Variants in PSMA3 observed in about 807,000 individuals in gnomAD.
PSMA3 encodes proteasome subunit alpha type-3.
In PSMA3, 8 loss-of-function variants were observed where a neutral mutation model predicts 40.0. The ratio of observed to expected loss-of-function variants is 0.20; its 90% CI spans 0.12 to 0.36. The LOEUF is 0.36. PSMA3 is among the 10% of genes least tolerant of loss of function. PSMA3 has a pLI of 1.00. For missense variants in PSMA3, 219 were observed against 310.6 expected (o/e 0.70, Z 2.22); for synonymous variants, 110 against 100.0 (o/e 1.10, Z -0.59).
intron 5 of PSMA3, chr14:58,258,273 A>G: frequency 3.2e-6 from 1 of 313,454 alleles, no homozygotes. Context: ...ACCTATCTCT[A>G]CAAAAAAAAT....
At chr14:58,256,645 C>T (rs1309214124) in intron 3 of PSMA3, among the ~76,000 whole-genome samples, 1 of 151,244 alleles carries the variant, frequency 6.6e-6, no homozygotes, top group Non-Finnish European at 1.5e-5. Context: ...AACTCGTGAC[C>T]TTGTGATCCA....
At chr14:58,262,498 GCCCTGCCTT>G (rs1266768512) in intron 6 of PSMA3, among the ~76,000 whole-genome samples, 1 of 151,718 alleles carries the variant, frequency 6.6e-6, no homozygotes, top group Non-Finnish European at 1.5e-5. Flanking sequence ...GAGCCACCTT[GCCCTGCCTT>G]CCCTTTTAAA....
rs1342086412 is a variant in PSMA3, at chr14:58,257,734, T to G, written c.229-11T>G. ...ATGTGTTCCTCTAGTAAATTGGTGC[T>G]TTTTTTTCAGGCAGTAGCAGGTTTG... is the stretch of plus-strand genomic sequence containing the variant. On this transcript the variant is annotated splice_polypyrimidine_tract_variant and intron_variant, in intron 3 of 10. Coordinates refer to ENST00000216455, the MANE Select transcript of PSMA3 (RefSeq NM_002788.4). 3 of 1,597,322 alleles carry G rather than the reference T, an allele frequency of 1.9e-6. No homozygotes were observed. The highest frequency in any genetic ancestry group is 2.2e-5 in the East Asian group (1 of 44,544).
chr14:58,271,548 A>G (rs898819108), intron 10 of PSMA3, among the ~76,000 whole-genome samples: 5 of 152,180 alleles, frequency 3.3e-5, no homozygotes, highest in African/African-American at 4.8e-5. Flanking sequence ...TCACCAGGCT[A>G]GTTTCAAACT....
At position 58,263,722 on chromosome 14, in the gene PSMA3, C is replaced by T. The variant is rs1594830948; in HGVS notation, c.495C>T (p.Ala165=). 1 of 1,613,518 alleles carries T rather than the reference C, an allele frequency of 6.2e-7. No individual in the cohort carries two copies. The highest frequency in any genetic ancestry group is 2.2e-5 in the East Asian group (1 of 44,866). Residue 165 remains alanine, a synonymous_variant, in exon 7 of 11, where the codon GCC becomes GCT. Coordinates refer to ENST00000216455, the MANE Select transcript of PSMA3 (RefSeq NM_002788.4). ...SGVSYGYWGC[A]IGKARQAAKT... is the part of the protein sequence containing the mutation. ...CTAAATAGGGTTATTGGGGCTGTGC[C>T]ATCGGCAAAGCCAGGCAAGCTGCAA...
At chr14:58,268,596 A>C (rs1049293023) in intron 8 of PSMA3, 1 of 152,224 alleles carries the variant, frequency 6.6e-6, no homozygotes, top group Non-Finnish European at 1.5e-5. Flanking sequence ...CAGAGCTGCT[A>C]AGAAAGGAAG....
intron 7 of PSMA3, among the ~76,000 whole-genome samples, chr14:58,264,329 C>T (rs77859822): frequency 6.6e-6 from 1 of 152,272 alleles, no homozygotes; most frequent in African/African-American, 2.4e-5. Context: ...GTTCTCTTAG[C>T]TTTGCTCCTA....
chr14:58,271,433 G>A (rs1219575699), intron 10 of PSMA3, among the ~76,000 whole-genome samples: 3 of 148,836 alleles, frequency 2.0e-5, no homozygotes, highest in South Asian at 2.1e-4. Flanking sequence ...GGGTTCAAGC[G>A]ATCCTCCTGC....
chr14:58,270,693 AAATT>A (rs1240040181), intron 9 of PSMA3, among the ~76,000 whole-genome samples: 3 of 152,250 alleles, frequency 2.0e-5, no homozygotes, highest in African/African-American at 4.8e-5. Flanking sequence ...ACTATGCTAT[AAATT>A]AATGCTCAGG....
intron 8 of PSMA3, among the ~76,000 whole-genome samples, chr14:58,268,295 T>G (rs1555353190): frequency 6.6e-6 from 1 of 152,190 alleles, no homozygotes; most frequent in Non-Finnish European, 1.5e-5. Context: ...GTATTCCACA[T>G]TAGAACTACA....
intron 6 of PSMA3, among the ~76,000 whole-genome samples, chr14:58,263,289 A>G (rs1890335154): frequency 6.6e-6 from 1 of 152,128 alleles, no homozygotes; most frequent in Non-Finnish European, 1.5e-5. Flanking sequence ...CCAGCTGTGC[A>G]TCCTTATCTT....
At chr14:58,245,918 A>G (rs1312567587) in intron 1 of PSMA3, among the ~76,000 whole-genome samples, 1 of 152,226 alleles carries the variant, frequency 6.6e-6, no homozygotes, top group Non-Finnish European at 1.5e-5. Context: ...AAGTTCTGCC[A>G]TACTTTTCTT....
chr14:58,263,655 CAT>C (rs1052707617), intron 6 of PSMA3, 48 bp from the exon 7 acceptor site: 5 of 1,405,308 alleles, frequency 3.6e-6, no homozygotes, highest in Middle Eastern at 1.8e-4. Context: ...TCATTAATTA[CAT>C]ATGATAGTGT....
intron 8 of PSMA3, chr14:58,267,758 G>T: frequency 4.7e-6 from 3 of 644,796 alleles, no homozygotes; most frequent in Non-Finnish European, 6.2e-6. Context: ...CCTGTTACAG[G>T]TTAAGGACAT....
intron 8 of PSMA3, 160 bp from the exon 9 acceptor site, chr14:58,270,258 T>C (rs1051730578): frequency 9.9e-6 from 10 of 1,013,208 alleles, no homozygotes; most frequent in South Asian, 6.3e-5. Context: ...CCTGTGTAAT[T>C]TGTCTTCTCT....
chr14:58,254,439 G>A (rs1318701506), intron 3 of PSMA3, among the ~76,000 whole-genome samples: 1 of 143,570 alleles, frequency 7.0e-6, no homozygotes, highest in African/African-American at 2.6e-5. Flanking sequence ...CTGGGCTCAA[G>A]TGATTCTTCT....
rs767994291 is a variant in PSMA3, at chr14:58,244,877, G to C, written c.-44G>C. ...CGGCATCCTGTGGTATAGGGGAAGC[G>C]CTCCGGGCCTGGAATCCCTACGCGT... On this transcript the variant is annotated 5_prime_UTR_variant, in exon 1 of 11. Transcript: ENST00000216455. 2 of 1,614,008 alleles carry C rather than the reference G, an allele frequency of 1.2e-6. No homozygotes were observed. The highest frequency in any genetic ancestry group is 1.3e-5 in the African/African-American group (1 of 74,926).
chr14:58,270,260 G>C (rs1890575850), intron 8 of PSMA3, 158 bp from the exon 9 acceptor site: 11 of 1,034,190 alleles, frequency 1.1e-5, no homozygotes, highest in Middle Eastern at 3.4e-4. Context: ...TGTGTAATTT[G>C]TCTTCTCTAA....
At chr14:58,246,834 A>T (rs1889893616) in intron 1 of PSMA3, among the ~76,000 whole-genome samples, 1 of 152,064 alleles carries the variant, frequency 6.6e-6, no homozygotes, top group African/African-American at 2.4e-5. Context: ...TCTACAGCTT[A>T]TTTTCCGCAT....
Sources: allele counts gnomAD v4.1 joint callset (sites outside exome capture counted in the v4.1 genomes callset), GRCh38; gene constraint gnomAD v4.1.1; transcripts MANE v1.5; gene names NCBI Gene and HGNC (gene_info 2026-07-23, HGNC 2026-07-21).